HMCN1: variants seen among roughly 807,000 people sequenced by gnomAD.
The protein encoded by HMCN1 is hemicentin-1.
In HMCN1, 321 loss-of-function variants were observed where a neutral mutation model predicts 625.9. The ratio of observed to expected loss-of-function variants is 0.51; its 90% CI spans 0.47 to 0.56. The LOEUF is 0.56. Ranked by LOEUF, HMCN1 falls within the 20% of genes least tolerant of loss-of-function variation. The probability of loss-of-function intolerance (pLI) is 0.00; values close to 1 mark genes in which losing one functional copy is unlikely to be tolerated. For missense variants in HMCN1, 6,588 were observed against 6,887.3 expected, an observed-to-expected ratio of 0.96 and a Z score of 1.54; for synonymous variants, 2,425 against 2,417.6, an observed-to-expected ratio of 1.00 and a Z score of -0.09.
chr1:186,063,499 AAG>A (rs1558188755), intron 48 of HMCN1, among the ~76,000 whole-genome samples: 1 of 120,768 alleles, frequency 8.3e-6, no homozygotes, highest in Non-Finnish European at 1.7e-5. Context: ...GGAAGGAAGG[AAG>A]GAAGGAAGGA....
At chr1:185,887,171 C>A (rs1473318103) in intron 4 of HMCN1, among the ~76,000 whole-genome samples, 1 of 152,094 alleles carries the variant, frequency 6.6e-6, no homozygotes, top group Non-Finnish European at 1.5e-5. Context: ...CCTAGTCTGA[C>A]TTCCTAGTAA....
chr1:185,920,863 C>T (rs1205715544), intron 6 of HMCN1, among the ~76,000 whole-genome samples: 1 of 152,026 alleles, frequency 6.6e-6, no homozygotes, highest in Admixed American at 6.6e-5. Flanking sequence ...AGCAAGGCAA[C>T]TAACAGTAAT....
intron 16 of HMCN1, 64 bp downstream of exon 16, chr1:185,978,045 A>T: frequency 8.7e-7 from 1 of 1,152,028 alleles, no homozygotes; most frequent in Non-Finnish European, 1.3e-6. Context: ...TATGTTTTAT[A>T]CATAGGTATT....
At chr1:185,736,752 T>C (rs1208133373) in intron 1 of HMCN1, among the ~76,000 whole-genome samples, 2 of 152,224 alleles carry the variant, frequency 1.3e-5, no homozygotes. Flanking sequence ...TTTGCTGTAG[T>C]TGACTTTCCT....
Position 185,734,724 on chromosome 1 carries a change from G to A in HMCN1, c.-56G>A. The A allele has an allele frequency of 6.4e-7, 1 of 1,559,874 alleles. No homozygotes were observed. The highest frequency in any genetic ancestry group is 8.8e-7 in the Non-Finnish European group (1 of 1,132,976). On this transcript the variant is annotated 5_prime_UTR_variant, in exon 1 of 107. Coordinates refer to ENST00000271588, the MANE Select transcript of HMCN1 (RefSeq NM_031935.3). ...GAAACCCTCTGCCTGTTGTTGAGGA[G>A]GACTGAGCACAGTGCTTAGGCGCTG...
chr1:186,070,714 A>C lies in HMCN1; in HGVS notation c.8096A>C (p.Tyr2699Ser), dbSNP rs1423700916. The C allele has an allele frequency of 6.2e-7, 1 of 1,613,918 alleles. No individual in the cohort carries two copies. Among genetic ancestry groups the C allele is most frequent in the East Asian group, 2.2e-5 (1 of 44,828 alleles). ...NNTLTLECEA[Y>S]AIPSASLSWY... ...ACTCTGACCTTGGAATGTGAAGCGTATGCAATTCCTTCTGCCTCCCTCAGC... is the reference window on the plus strand; with the variant it reads ...ACTCTGACCTTGGAATGTGAAGCGTCTGCAATTCCTTCTGCCTCCCTCAGC... Residue 2699 changes from tyrosine (Y) to serine (S), a missense_variant, in exon 52 of 107, where the codon TAT becomes TCT. This residue lies in a region of HMCN1 where 4,628 missense variants were observed against 4,853.1 expected (regional missense o/e 0.95). Coordinates refer to ENST00000271588, the MANE Select transcript of HMCN1 (RefSeq NM_031935.3).
chr1:186,014,312 A>G (rs1002215313), intron 30 of HMCN1, among the ~76,000 whole-genome samples: 1 of 150,988 alleles, frequency 6.6e-6, no homozygotes, highest in Non-Finnish European at 1.5e-5. Context: ...TTAAAAGTTT[A>G]TAAGATTATA....
intron 1 of HMCN1, among the ~76,000 whole-genome samples, chr1:185,824,532 C>A (rs1359329074): frequency 6.6e-6 from 1 of 152,074 alleles, no homozygotes; most frequent in African/African-American, 2.4e-5. Context: ...GTATTAATAT[C>A]CTACGCTAAG....
intron 27 of HMCN1, 54 bp downstream of exon 27, chr1:186,001,482 G>A: frequency 6.3e-7 from 1 of 1,597,754 alleles, no homozygotes; most frequent in East Asian, 2.2e-5. Flanking sequence ...TCTGAAGTAG[G>A]TTGTTCAGAT....
At chr1:186,082,724 C>T (rs984199691) in intron 56 of HMCN1, 141 bp from the exon 57 acceptor site, 3 of 377,836 alleles carry the variant, frequency 7.9e-6, no homozygotes, top group Non-Finnish European at 9.5e-6. Context: ...TAAAAGCTAG[C>T]ATCAGCACTA....
In HMCN1 at chr1:185,734,842, T is replaced by C. The variant is rs778228244; in HGVS notation, c.63T>C (p.Ala21=). 34 of 1,613,878 alleles carry C rather than the reference T, an allele frequency of 2.1e-5. No individual in the cohort carries two copies. Among genetic ancestry groups the C allele is most frequent in the Non-Finnish European group, 2.6e-5 (31 of 1,179,920 alleles). The change falls in exon 1 of 107, where the codon GCT becomes GCC. Residue 21 remains alanine (A), a synonymous_variant. Transcript: ENST00000271588. ...TTGCTCTTCTTTATTCTTCCCTAGCTCAAGATGCGAGCCCCCAGTCAGAGA... is the reference window on the plus strand; with the variant it reads ...TTGCTCTTCTTTATTCTTCCCTAGCCCAAGATGCGAGCCCCCAGTCAGAGA... ...FLFALLYSSL[A]QDASPQSEIR...
At chr1:186,014,087 G>C (rs1390567446) in intron 30 of HMCN1, among the ~76,000 whole-genome samples, 1 of 152,096 alleles carries the variant, frequency 6.6e-6, no homozygotes, top group Non-Finnish European at 1.5e-5. Flanking sequence ...GGTACATGCT[G>C]TCAGCATAAC....
intron 11 of HMCN1, among the ~76,000 whole-genome samples, chr1:185,950,115 G>C (rs569251711): frequency 2.0e-5 from 3 of 151,666 alleles, no homozygotes; most frequent in South Asian, 4.1e-4. Flanking sequence ...ATGTCAGGTG[G>C]ATCAGAGAGA....
chr1:186,184,342 A>G (rs1284662879), intron 105 of HMCN1, among the ~76,000 whole-genome samples: 1 of 152,234 alleles, frequency 6.6e-6, no homozygotes, highest in Non-Finnish European at 1.5e-5. Context: ...TTATTTGCAT[A>G]TGATTTTTTG....
At position 185,886,811 on chromosome 1, in the gene HMCN1, C is replaced by T. The variant is rs1046323461; in HGVS notation, c.621+20948C>T. On this transcript the variant is annotated intron_variant, in intron 4 of 106. Transcript: ENST00000271588. ...CAGTAAGATAAGCTTCCTCAAATAT[C>T]ACTTTCATCACGCCCTGCCCCTGTT... 1.3e-5 allele frequency among the ~76,000 whole-genome samples: 2 copies of T among 152,248 alleles called. 1 individual carries two copies. Among genetic ancestry groups the T allele is most frequent in the Admixed American group, 1.3e-4 (2 of 15,274 alleles).
rs576812375 is a variant in HMCN1, at chr1:185,952,409, A to G, written c.1829-10109A>G. Among the ~76,000 whole-genome samples, 4 of 151,416 alleles carry G rather than the reference A, an allele frequency of 2.6e-5. No individual in the cohort carries two copies. In the East Asian group the frequency reaches 7.8e-4, roughly 29 times the overall value. On this transcript the variant is annotated intron_variant, in intron 11 of 106. Coordinates refer to ENST00000271588, the MANE Select transcript of HMCN1 (RefSeq NM_031935.3). ...TCTGTAGAAAAGGAAGATTAGAAAG[A>G]CTCAGCGACGCTTGGGGTTGGTACT...
At chr1:186,028,975 G>A (rs1409012831) in intron 36 of HMCN1, among the ~76,000 whole-genome samples, 4 of 151,580 alleles carry the variant, frequency 2.6e-5, no homozygotes, top group African/African-American at 7.3e-5. Flanking sequence ...TCCGTGATCC[G>A]TCCGCCTCAG....
At chr1:185,942,190 CA>C (rs541622782) in intron 11 of HMCN1, among the ~76,000 whole-genome samples, 990 of 53,066 alleles carry the variant, frequency 0.019, 3 homozygotes, top group African/African-American at 0.05. Context: ...GACTCCATCT[CA>C]AAAAAAAAAA....
At chr1:185,819,237 C>CAAAAAAAAAAAAAAAAAAAAAAAAA (rs575598587) in intron 1 of HMCN1, among the ~76,000 whole-genome samples, 1 of 125,142 alleles carries the variant, frequency 8.0e-6, no homozygotes, top group African/African-American at 2.9e-5. Context: ...ATCTCCATCT[C>CAAAAAAAAAAAAAAAAAAAAAAAAA]AAAAAAAAAA....
Sources: allele counts gnomAD v4.1 joint callset (sites outside exome capture counted in the v4.1 genomes callset), GRCh38; gene constraint gnomAD v4.1.1; regional missense constraint gnomAD v4.1.1; transcripts MANE v1.5; gene names NCBI Gene and HGNC (gene_info 2026-07-23, HGNC 2026-07-21).